Variants in SLC3A1 observed in about 807,000 individuals in gnomAD.
SLC3A1 encodes the protein solute carrier family 3 member 1.
SLC3A1 carries 78 observed loss-of-function variants against 60.3 expected under a neutral mutation model. The observed-to-expected ratio is 1.29, with a 90% CI of 1.08 to 1.56. SLC3A1 has a LOEUF of 1.56. SLC3A1 is among the 40% of genes most tolerant of loss of function. The pLI is 0.00. For missense variants in SLC3A1, 1,172 were observed against 858.9 expected (o/e 1.36, Z -4.56); for synonymous variants, 392 against 307.9 (o/e 1.27, Z -2.86).
chr2:44,307,254 T>A (rs1214342944), intron 7 of SLC3A1, among the ~76,000 whole-genome samples: 6 of 152,234 alleles, frequency 3.9e-5, no homozygotes, highest in Non-Finnish European at 7.3e-5. Context: ...TTGACAGAGA[T>A]TTGTTTTCAC....
At chr2:44,310,459 C>T (rs1672267035) in intron 7 of SLC3A1, among the ~76,000 whole-genome samples, 1 of 152,134 alleles carries the variant, frequency 6.6e-6, no homozygotes, top group African/African-American at 2.4e-5. Context: ...AATATGTCAT[C>T]CCATTGCCCT....
chr2:44,306,055 G>T (rs1558465564), intron 7 of SLC3A1, among the ~76,000 whole-genome samples: 2 of 152,184 alleles, frequency 1.3e-5, no homozygotes, highest in Non-Finnish European at 1.5e-5. Flanking sequence ...ACACGGAGGT[G>T]CTCAGGCTCA....
chr2:44,315,263 A>G (rs1037448479), intron 9 of SLC3A1: 1 of 152,072 alleles, frequency 6.6e-6, no homozygotes, highest in Non-Finnish European at 1.5e-5. Context: ...CTTTTTTCTA[A>G]GTCATAAATC....
chr2:44,312,530 A>G (rs919349275), intron 7 of SLC3A1, 56 bp from the exon 8 acceptor site: 32 of 1,576,634 alleles, frequency 2.0e-5, no homozygotes, highest in African/African-American at 1.9e-4. Flanking sequence ...GAAATAGGGT[A>G]AATCTTTCAG....
intron 5 of SLC3A1, 71 bp downstream of exon 5, chr2:44,300,161 C>T: frequency 6.9e-7 from 1 of 1,448,694 alleles, no homozygotes; most frequent in Non-Finnish European, 9.7e-7. Flanking sequence ...TCTTTCTCAG[C>T]CTGAGATACC....
chr2:44,321,716 A>T, downstream of SLC3A1: 1 of 1,595,832 alleles, frequency 6.3e-7, no homozygotes. Context: ...ACCCATAGAT[A>T]GGACATTTGT....
At chr2:44,310,700 T>A (rs1347946543) in intron 7 of SLC3A1, among the ~76,000 whole-genome samples, 2 of 152,166 alleles carry the variant, frequency 1.3e-5, no homozygotes, top group Non-Finnish European at 2.9e-5. Flanking sequence ...CTATTTTTTT[T>A]TTAAATATTG....
chr2:44,294,789 T>G (rs1671813848), intron 4 of SLC3A1, among the ~76,000 whole-genome samples: 1 of 152,190 alleles, frequency 6.6e-6, no homozygotes, highest in Non-Finnish European at 1.5e-5. Context: ...TTCTCTTGCC[T>G]CTAAGTAGAG....
intron 1 of SLC3A1, among the ~76,000 whole-genome samples, chr2:44,280,449 G>C (rs1181207164): frequency 6.6e-6 from 1 of 151,922 alleles, no homozygotes; most frequent in Non-Finnish European, 1.5e-5. Context: ...ATGTTGGCCA[G>C]GATGGTCTCG....
At chr2:44,309,811 C>G (rs1672249528) in intron 7 of SLC3A1, among the ~76,000 whole-genome samples, 1 of 152,152 alleles carries the variant, frequency 6.6e-6, no homozygotes, top group Admixed American at 6.5e-5. Flanking sequence ...GTTGGCCAGG[C>G]TGGTCTGGAA....
intron 4 of SLC3A1, among the ~76,000 whole-genome samples, chr2:44,292,534 G>T (rs1231057181): frequency 6.6e-6 from 1 of 152,104 alleles, no homozygotes; most frequent in Non-Finnish European, 1.5e-5. Flanking sequence ...GGGGTGGGAG[G>T]TGGACAATTA....
In SLC3A1 at chr2:44,286,106, A is replaced by G; in HGVS notation, c.840A>G (p.Lys280=). 6.2e-7 allele frequency: 1 copy of G among 1,614,108 alleles called. No homozygotes were observed. The highest frequency in any genetic ancestry group is 8.5e-7 in the Non-Finnish European group (1 of 1,179,940). Residue 280 remains lysine (K), a synonymous_variant, in exon 4 of 10, where the codon AAA becomes AAG. Transcript: ENST00000260649. Reference sequence around the variant, plus strand: ...AATGTTATTTTCATCAGTTTATGAAAGAGCAACCTGATTTAAATTTCCGCA... The same window carrying G: ...AATGTTATTTTCATCAGTTTATGAAGGAGCAACCTGATTTAAATTTCCGCA... ...RNQCYFHQFM[K]EQPDLNFRNP...
At chr2:44,316,650 C>G (rs1672469794) in intron 9 of SLC3A1, among the ~76,000 whole-genome samples, 1 of 152,302 alleles carries the variant, frequency 6.6e-6, no homozygotes, top group Non-Finnish European at 1.5e-5. Flanking sequence ...CAAAACTACT[C>G]AGAAAGAAAC....
intron 6 of SLC3A1, among the ~76,000 whole-genome samples, chr2:44,302,889 G>A (rs150057096): frequency 8.4e-4 from 128 of 152,240 alleles, no homozygotes; most frequent in African/African-American, 3.0e-3. Context: ...ATTTCTCCTA[G>A]GATTCTAGGT....
In SLC3A1 at chr2:44,320,879, C is replaced by G. The variant is rs752229910; in HGVS notation, c.*240C>G. 18 of 536,648 alleles carry G rather than the reference C, an allele frequency of 3.4e-5. No homozygotes were observed. The highest frequency in any genetic ancestry group is 5.3e-5 in the Non-Finnish European group (16 of 299,994). The allele number at this position is 536,648 out of a possible 1,614,324, so 33.2% of individuals were successfully genotyped here. ...TCAGATAGCATCAATCAGGGATGAC[C>G]AGAACACATTAGGACCCCAGATTAT... On this transcript the variant is annotated 3_prime_UTR_variant, in exon 10 of 10. Coordinates refer to ENST00000260649, the MANE Select transcript of SLC3A1 (RefSeq NM_000341.4).
In SLC3A1 at chr2:44,283,274, T is replaced by C. The variant is rs1007965562; in HGVS notation, c.765+1733T>C. Among the ~76,000 whole-genome samples the C allele has an allele frequency of 1.8e-4, 27 of 152,320 alleles. 1 individual carries two copies. Among genetic ancestry groups the C allele is most frequent in the African/African-American group, 5.8e-4 (24 of 41,556 alleles). Reference sequence around the variant, plus strand: ...ATAACCTTCCGTCTCCCAGGTTCAGTGAATGGTACTACCATGCAGCCTGAG... The same window carrying C: ...ATAACCTTCCGTCTCCCAGGTTCAGCGAATGGTACTACCATGCAGCCTGAG... On this transcript the variant is annotated intron_variant, in intron 3 of 9. Coordinates refer to ENST00000260649, the MANE Select transcript of SLC3A1 (RefSeq NM_000341.4).
rs981496977 is a variant in SLC3A1 at position 44,299,414 on chromosome 2, CTTAG to C, written c.892-553_892-550del. On this transcript the variant is annotated intron_variant, in intron 4 of 9. Transcript: ENST00000260649. ...GTTTTACCACAGGATCGTCACTATT[CTTAG>C]TTATTTACTTGGTTGATGGTTGATT... Among the ~76,000 whole-genome samples the C allele has an allele frequency of 8.5e-5, 13 of 152,162 alleles. No individual in the cohort carries two copies. In the East Asian group the frequency reaches 2.1e-3, roughly 25 times the overall value.
intron 8 of SLC3A1, among the ~76,000 whole-genome samples, chr2:44,313,461 A>T (rs926904332): frequency 2.6e-5 from 4 of 152,146 alleles, no homozygotes; most frequent in African/African-American, 9.7e-5. Flanking sequence ...CAGAATTCAT[A>T]CTCACTTGTA....
intron 6 of SLC3A1, among the ~76,000 whole-genome samples, chr2:44,303,245 A>ACTTTTTTTTT (rs1672063105): frequency 7.3e-6 from 1 of 136,574 alleles, no homozygotes; most frequent in Non-Finnish European, 1.5e-5. Flanking sequence ...CTGAGATCCA[A>ACTTTTTTTTT]TTTTTTTTTT....
Sources: allele counts gnomAD v4.1 joint callset (sites outside exome capture counted in the v4.1 genomes callset), GRCh38; gene constraint gnomAD v4.1.1; transcripts MANE v1.5; gene names NCBI Gene and HGNC (gene_info 2026-07-23, HGNC 2026-07-21).